The following SLC14A2 variants were observed in gnomAD, a reference collection of about 807,000 sequenced individuals.
SLC14A2 encodes urea transporter 2.
SLC14A2 carries 91 observed loss-of-function variants against 104.6 expected under a neutral mutation model. The observed-to-expected ratio is 0.87, with a 90% CI of 0.73 to 1.04. The LOEUF is 1.04. SLC14A2 is among the 50% of genes least tolerant of loss of function. SLC14A2 has a pLI of 0.00. For missense variants in SLC14A2, 1,189 were observed against 1,156.0 expected (o/e 1.03, Z -0.41); for synonymous variants, 476 against 466.4 (o/e 1.02, Z -0.27).
chr18:45,272,499 G>C (rs1310137335), intron 1 of SLC14A2, among the ~76,000 whole-genome samples: 1 of 152,014 alleles, frequency 6.6e-6, no homozygotes, highest in African/African-American at 2.4e-5. Flanking sequence ...AACATCACAT[G>C]TTCTCACTTA....
chr18:45,251,468 C>T (rs1373031738), intron 1 of SLC14A2, among the ~76,000 whole-genome samples: 2 of 152,234 alleles, frequency 1.3e-5, no homozygotes, highest in Non-Finnish European at 2.9e-5. Flanking sequence ...TCATGATTCA[C>T]AACCTCGGTA....
rs781251287 is a variant in SLC14A2 at position 45,606,734 on chromosome 18, T to TAAA, written c.-34-17886_-34-17884dup. Among the ~76,000 whole-genome samples the TAAA allele has an allele frequency of 7.7e-3, 586 of 76,570 alleles. 2 individuals are homozygous for TAAA. The highest frequency in any genetic ancestry group is 0.024 in the African/African-American group (552 of 23,262). The allele number at this position is 76,570 out of a possible 152,430, so 50.2% of individuals were successfully genotyped here. On this transcript the variant is annotated intron_variant, in intron 2 of 20. Transcript: ENST00000586448. ...ATGCCTATAACTGACAAAGTCTAAT[T>TAAA]AAAAAAAAAAAAACAAAACAAAAAC... is the stretch of plus-strand genomic sequence containing the variant.
At chr18:45,424,996 C>T (rs911504992) in intron 1 of SLC14A2, among the ~76,000 whole-genome samples, 1 of 152,202 alleles carries the variant, frequency 6.6e-6, no homozygotes, top group Non-Finnish European at 1.5e-5. Flanking sequence ...CCTAATCATT[C>T]AGCAAACCCT....
chr18:45,459,059 ATCCCTGAG>A (rs2086995030), intron 1 of SLC14A2, among the ~76,000 whole-genome samples: 1 of 152,224 alleles, frequency 6.6e-6, no homozygotes, highest in Admixed American at 6.5e-5. Flanking sequence ...ATTTTCAGAG[ATCCCTGAG>A]TTTGTCAGTG....
rs528231822 is a variant in SLC14A2 at position 45,605,324 on chromosome 18, C to G, written c.-34-19307C>G. Among the ~76,000 whole-genome samples, 13 of 152,308 alleles carry G rather than the reference C, an allele frequency of 8.5e-5. No individual in the cohort carries two copies. In the South Asian group the frequency reaches 2.7e-3, roughly 32 times the overall value. ...CTGATGGACTGTCTCATGTACCCCT[C>G]AGGGCAAACTCCCCACTTTGGGGAC... On this transcript the variant is annotated intron_variant, in intron 2 of 20. Coordinates refer to the SLC14A2 transcript ENST00000586448.
chr18:45,611,370 G>C (rs570019275), upstream of SLC14A2, among the ~76,000 whole-genome samples: 51 of 152,256 alleles, frequency 3.3e-4, no homozygotes, highest in Middle Eastern at 3.4e-3. Flanking sequence ...GGGGATCAAG[G>C]TTCTGTTGAA....
intron 1 of SLC14A2, among the ~76,000 whole-genome samples, chr18:45,319,016 C>T (rs1252175579): frequency 2.6e-5 from 4 of 152,140 alleles, no homozygotes; most frequent in Admixed American, 2.0e-4. Context: ...CAGAGACTCC[C>T]GTGCTATCTC....
chr18:45,411,840 A>G (rs1439559752), intron 1 of SLC14A2, among the ~76,000 whole-genome samples: 1 of 152,062 alleles, frequency 6.6e-6, no homozygotes, highest in Non-Finnish European at 1.5e-5. Flanking sequence ...CGCAGCACCT[A>G]CTCTGTGAAG....
Position 45,678,954 on chromosome 18 carries a change from CTTT to C in SLC14A2, c.2513-7_2513-5del, listed in dbSNP as rs72437878. 261 of 1,433,792 alleles carry C rather than the reference CTTT, an allele frequency of 1.8e-4. No homozygotes were observed. Among genetic ancestry groups the C allele is most frequent in the Admixed American group, 3.4e-4 (16 of 46,684 alleles). The allele number at this position is 1,433,792 out of a possible 1,614,324, so 88.8% of individuals were successfully genotyped here. A position where few individuals can be genotyped will look rare whatever the true frequency, so the allele number is the denominator to read the frequency against. The stretch of plus-strand genomic sequence containing the variant: ...TAAATAGTTACTGGTCTATTTCTTT[CTTT>C]TTTTTTTTTTTTTCTAGCACTGTTT... On this transcript the variant is annotated intron_variant, in intron 18 of 19. Transcript: ENST00000255226.
chr18:45,438,571 AT>A (rs1402845836), intron 1 of SLC14A2, among the ~76,000 whole-genome samples: 6 of 152,218 alleles, frequency 3.9e-5, no homozygotes, highest in Admixed American at 6.5e-5. Context: ...TGTGTTTAAG[AT>A]GATTTATAAT....
intron 1 of SLC14A2, among the ~76,000 whole-genome samples, chr18:45,619,706 T>C (rs1038240283): frequency 2.6e-5 from 4 of 151,878 alleles, no homozygotes; most frequent in Admixed American, 2.6e-4. Flanking sequence ...AGCCCGGACG[T>C]GGCTCGGGCA....
At chr18:45,327,441 C>T (rs1423568187) in intron 1 of SLC14A2, among the ~76,000 whole-genome samples, 1 of 152,114 alleles carries the variant, frequency 6.6e-6, no homozygotes, top group Non-Finnish European at 1.5e-5. Flanking sequence ...TGCCATGCAA[C>T]CATCACCACT....
At chr18:45,558,649 G>A (rs2044162486) in intron 2 of SLC14A2, among the ~76,000 whole-genome samples, 1 of 122,436 alleles carries the variant, frequency 8.2e-6, no homozygotes. Context: ...CCAAAGTCAG[G>A]TTGGGTCACC....
chr18:45,478,262 C>T (rs1010397222), intron 1 of SLC14A2, among the ~76,000 whole-genome samples: 2 of 152,136 alleles, frequency 1.3e-5, no homozygotes, highest in African/African-American at 2.4e-5. Flanking sequence ...TTTGTGCTTC[C>T]CAGGTGAGGC....
chr18:45,355,112 G>A (rs2085539261), intron 1 of SLC14A2, among the ~76,000 whole-genome samples: 2 of 152,162 alleles, frequency 1.3e-5, no homozygotes, highest in South Asian at 2.1e-4. Flanking sequence ...GGATTTCCAT[G>A]TTAATCTCTT....
At chr18:45,593,968 G>A (rs983859865) in intron 2 of SLC14A2, among the ~76,000 whole-genome samples, 1 of 152,194 alleles carries the variant, frequency 6.6e-6, no homozygotes, top group African/African-American at 2.4e-5. Flanking sequence ...AAAAATTTCT[G>A]TAACTATAAC....
intron 1 of SLC14A2, among the ~76,000 whole-genome samples, chr18:45,478,839 C>A (rs923732279): frequency 6.6e-6 from 1 of 152,064 alleles, no homozygotes; most frequent in Non-Finnish European, 1.5e-5. Flanking sequence ...TCTTCTCTAA[C>A]CTGCCTTCCC....
chr18:45,296,559 C>T (rs1599652396), intron 1 of SLC14A2, among the ~76,000 whole-genome samples: 1 of 152,310 alleles, frequency 6.6e-6, no homozygotes, highest in East Asian at 1.9e-4. Flanking sequence ...TTCCCGGTGA[C>T]CACCTCAAAC....
At chr18:45,601,422 CTGAA>C (rs1193351277) in intron 2 of SLC14A2, among the ~76,000 whole-genome samples, 1 of 152,166 alleles carries the variant, frequency 6.6e-6, no homozygotes, top group Non-Finnish European at 1.5e-5. Flanking sequence ...GGGCAACTGA[CTGAA>C]TGTCCAAGAG....
Sources: gnomAD v4.1 joint callset for allele counts (sites outside exome capture counted in the v4.1 genomes callset) on GRCh38, gnomAD v4.1.1 for gene constraint, MANE v1.5 for transcripts, NCBI Gene and HGNC (gene_info 2026-07-23, HGNC 2026-07-21) for gene names.